Variants in STAT3 observed in about 807,000 individuals in gnomAD.
The protein encoded by STAT3 is signal transducer and activator of transcription 3, also known as DNA-binding protein APRF.
STAT3 carries 7 observed loss-of-function variants against 114.3 expected under a neutral mutation model. The observed-to-expected ratio is 0.06, with a 90% CI of 0.03 to 0.11. The LOEUF (loss-of-function observed/expected upper bound fraction) is 0.11. STAT3 is among the 10% of genes least tolerant of loss of function. The pLI is 1.00. For missense variants in STAT3, 364 were observed against 960.9 expected (o/e 0.38, Z 8.21); for synonymous variants, 331 against 354.5 (o/e 0.93, Z 0.74).
chr17:42,382,482 T>G (rs1243478100), intron 1 of STAT3, among the ~76,000 whole-genome samples: 1 of 152,046 alleles, frequency 6.6e-6, no homozygotes. Flanking sequence ...CCCTGTCGTC[T>G]CCCCTGTCCT....
At chr17:42,322,895 G>T in intron 20 of STAT3, 109 bp downstream of exon 20, 2 of 1,491,416 alleles carry the variant, frequency 1.3e-6, no homozygotes, top group African/African-American at 2.8e-5. Context: ...GTGAAACAGG[G>T]AGTCAAGGCC....
intron 4 of STAT3, among the ~76,000 whole-genome samples, chr17:42,339,628 T>A (rs1366842883): frequency 6.6e-6 from 1 of 152,156 alleles, no homozygotes; most frequent in Admixed American, 6.6e-5. Flanking sequence ...AGAGACCACA[T>A]GTTCAGCTAA....
chr17:42,322,982 GGT>G lies in STAT3; in HGVS notation c.1888+20_1888+21del, dbSNP rs777917222. On this transcript the variant is annotated intron_variant, in intron 20 of 23. Coordinates refer to ENST00000264657, the MANE Select transcript of STAT3 (RefSeq NM_139276.3). Reference sequence around the variant, plus strand: ...GGCCTCAGCAGCCACCAGCAGGTGGGGTGGGTGGGAGCCTCCCTTACCGCTGA... The same window carrying G: ...GGCCTCAGCAGCCACCAGCAGGTGGGGGGTGGGAGCCTCCCTTACCGCTGA... 6.2e-7 allele frequency: 1 copy of G among 1,612,940 alleles called. No homozygotes were observed.
intron 1 of STAT3, among the ~76,000 whole-genome samples, chr17:42,369,929 G>A (rs971922091): frequency 4.6e-5 from 7 of 151,972 alleles, no homozygotes; most frequent in Non-Finnish European, 8.8e-5. Flanking sequence ...AAAACATTGG[G>A]ATTATACAGA....
intron 1 of STAT3, among the ~76,000 whole-genome samples, chr17:42,380,735 C>T (rs901982296): frequency 6.6e-6 from 1 of 152,056 alleles, no homozygotes; most frequent in Non-Finnish European, 1.5e-5. Flanking sequence ...GGCAACGTGA[C>T]GAGATCCTGA....
chr17:42,384,064 T>TAGTA (rs1324382737), intron 1 of STAT3, among the ~76,000 whole-genome samples: 2 of 152,128 alleles, frequency 1.3e-5, no homozygotes, highest in Admixed American at 6.5e-5. Context: ...GCCTAACACA[T>TAGTA]AGTAAGCACT....
At chr17:42,344,509 G>A (rs1044983901) in intron 4 of STAT3, among the ~76,000 whole-genome samples, 6 of 151,172 alleles carry the variant, frequency 4.0e-5, no homozygotes, top group African/African-American at 1.5e-4. Context: ...GAAGTCAGGA[G>A]ATCAAGACCA....
intron 8 of STAT3, among the ~76,000 whole-genome samples, chr17:42,336,427 G>A (rs2082231585): frequency 6.6e-6 from 1 of 151,912 alleles, no homozygotes; most frequent in African/African-American, 2.4e-5. Context: ...GTAAGACCCT[G>A]TCTCTATAAA....
intron 1 of STAT3, among the ~76,000 whole-genome samples, chr17:42,373,859 T>G (rs1822743741): frequency 6.9e-6 from 1 of 144,008 alleles, no homozygotes; most frequent in Non-Finnish European, 1.5e-5. Flanking sequence ...CACTCCAGCC[T>G]GGGCAACAGA....
At chr17:42,331,565 T>G (rs1483499617) in intron 10 of STAT3, 34 bp from the exon 11 acceptor site, 1 of 1,530,634 alleles carries the variant, frequency 6.5e-7, no homozygotes, top group Non-Finnish European at 9.0e-7. Flanking sequence ...GGAAAAAAAG[T>G]CAGTAACTCT....
intron 4 of STAT3, among the ~76,000 whole-genome samples, chr17:42,343,019 A>C (rs8069836): frequency 0.28 from 41,823 of 148,810 alleles, 5,905 homozygotes; most frequent in East Asian, 0.38. Flanking sequence ...AAAAAAAAAA[A>C]AAATTAGCTG....
At chr17:42,332,217 G>A (rs1003584034) in intron 10 of STAT3, among the ~76,000 whole-genome samples, 4 of 149,464 alleles carry the variant, frequency 2.7e-5, no homozygotes, top group East Asian at 2.1e-4. Flanking sequence ...GAGAGCCACC[G>A]TGCCTGGCCC....
At position 42,333,197 on chromosome 17, in the gene STAT3, G is replaced by A. The variant is rs7224339; in HGVS notation, c.1049+476C>T. ...AAACCGAACACCATACTAAGTTTCT[G>A]AGGAGGGAAATTTTGCTGCAGAAGG... is the stretch of plus-strand genomic sequence containing the variant. On this transcript the variant is annotated intron_variant, in intron 10 of 23. Transcript: ENST00000264657. This position sits in a 1 kb window ranked among gnomAD's most constrained non-coding sequence, Gnocchi z 5.2. Among the ~76,000 whole-genome samples the A allele has an allele frequency of 0.015, 2,327 of 152,148 alleles. 62 individuals carry two copies. The highest frequency in any genetic ancestry group is 0.053 in the African/African-American group (2,214 of 41,494).
chr17:42,317,648 T>C (rs1326641318), intron 21 of STAT3: 4 of 249,550 alleles, frequency 1.6e-5, no homozygotes, highest in African/African-American at 8.8e-5. Context: ...CTTTGCATGG[T>C]GTCCAGCCTA....
rs138148809 is a variant in STAT3, at chr17:42,320,449, G to A, written c.2101+1833C>T. 1.5e-3 allele frequency among the ~76,000 whole-genome samples: 230 copies of A among 152,318 alleles called. 1 individual carries two copies. The highest frequency in any genetic ancestry group is 5.3e-3 in the African/African-American group (221 of 41,570). On this transcript the variant is annotated intron_variant, in intron 21 of 23. Transcript: ENST00000264657. ...ATCACATTAAAGAGCCCATCATTAG[G>A]CCAGGCACAGTGGCTCACGCCTGTA...
In STAT3 at chr17:42,324,464, AT is replaced by A. The variant is rs1567709490; in HGVS notation, c.1600+246del. 2.0e-5 allele frequency among the ~76,000 whole-genome samples: 3 copies of A among 152,162 alleles called. No homozygotes were observed. The highest frequency in any genetic ancestry group is 4.4e-5 in the Non-Finnish European group (3 of 68,022). ...TTCTAAAGTTAGATAGAGTGGGTGAATGAGACAGCAACCAGGAGAAAAGAAA... is the reference window on the plus strand; with the variant it reads ...TTCTAAAGTTAGATAGAGTGGGTGAAGAGACAGCAACCAGGAGAAAAGAAA... On this transcript the variant is annotated intron_variant, in intron 17 of 23. Coordinates refer to ENST00000264657, the MANE Select transcript of STAT3 (RefSeq NM_139276.3). The surrounding 1 kb of genome is among the most constrained non-coding windows in gnomAD (Gnocchi z 4.5).
At position 42,324,318 on chromosome 17, in the gene STAT3, A is replaced by T. The variant is rs1352003102; in HGVS notation, c.1600+393T>A. Among the ~76,000 whole-genome samples the T allele has an allele frequency of 1.3e-5, 2 of 151,108 alleles. No individual in the cohort carries two copies. The highest frequency in any genetic ancestry group is 2.9e-5 in the Non-Finnish European group (2 of 68,026). On this transcript the variant is annotated intron_variant, in intron 17 of 23. Coordinates refer to ENST00000264657, the MANE Select transcript of STAT3 (RefSeq NM_139276.3). This position sits in a 1 kb window ranked among gnomAD's most constrained non-coding sequence, Gnocchi z 4.5. ...TGGGCAACAGAGCAAGACTCGTCTC[A>T]AAAAAATAAATAAATAAATAAAATA...
In STAT3 at chr17:42,333,465, G is replaced by A. The variant is rs1401855223; in HGVS notation, c.1049+208C>T. Reference sequence around the variant, plus strand: ...GTCTACAATCATAGGAATATGCCCAGGTACCTTCAAAAAGATGACTGCTCT... The same window carrying A: ...GTCTACAATCATAGGAATATGCCCAAGTACCTTCAAAAAGATGACTGCTCT... On this transcript the variant is annotated intron_variant, in intron 10 of 23. Coordinates refer to ENST00000264657, the MANE Select transcript of STAT3 (RefSeq NM_139276.3). The surrounding 1 kb of genome is among the most constrained non-coding windows in gnomAD (Gnocchi z 5.2). Among the ~76,000 whole-genome samples, 4 of 152,056 alleles carry A rather than the reference G, an allele frequency of 2.6e-5. No individual in the cohort carries two copies. Among genetic ancestry groups the A allele is most frequent in the African/African-American group, 9.7e-5 (4 of 41,416 alleles).
intron 1 of STAT3, among the ~76,000 whole-genome samples, chr17:42,362,077 C>T (rs575966025): frequency 2.0e-4 from 31 of 152,224 alleles, no homozygotes; most frequent in South Asian, 6.2e-4. Flanking sequence ...ATTCAGATGG[C>T]GGTCACATGC....
Sources: gnomAD v4.1 joint callset for allele counts (sites outside exome capture counted in the v4.1 genomes callset) on GRCh38, gnomAD v4.1.1 for gene constraint, Gnocchi (gnomAD v3.1) non-coding constraint, MANE v1.5 for transcripts, NCBI Gene and HGNC (gene_info 2026-07-23, HGNC 2026-07-21) for gene names.